The following ST6GALNAC3 variants were observed in gnomAD, a reference collection of about 807,000 sequenced individuals.
ST6GALNAC3 encodes alpha-N-acetylgalactosaminide alpha-2,6-sialyltransferase 3.
ST6GALNAC3 carries 25 observed loss-of-function variants against 32.7 expected under a neutral mutation model. The ratio of observed to expected loss-of-function variants is 0.76; its 90% CI spans 0.56 to 1.07. The LOEUF is 1.07. Among genes scored for constraint, ST6GALNAC3 ranks in the 50% least tolerant of loss-of-function variants. The pLI, the probability that ST6GALNAC3 is intolerant of heterozygous loss-of-function variation, is 0.00. For missense variants in ST6GALNAC3, 355 were observed against 382.4 expected (o/e 0.93, Z 0.60); for synonymous variants, 129 against 133.1 (o/e 0.97, Z 0.21).
At chr1:76,208,917 G>C (rs750097773) in intron 1 of ST6GALNAC3, among the ~76,000 whole-genome samples, 1 of 152,048 alleles carries the variant, frequency 6.6e-6, no homozygotes, top group Non-Finnish European at 1.5e-5. Context: ...TCTCAAGCTC[G>C]TTTTCCTTAA....
intron 1 of ST6GALNAC3, among the ~76,000 whole-genome samples, chr1:76,295,069 G>A (rs562314126): frequency 5.3e-4 from 79 of 149,706 alleles, no homozygotes; most frequent in Non-Finnish European, 9.9e-4. Context: ...GCTCTGTTAA[G>A]CATTTTTGCA....
chr1:76,434,788 T>C (rs1360784748), intron 3 of ST6GALNAC3, among the ~76,000 whole-genome samples: 1 of 138,322 alleles, frequency 7.2e-6, no homozygotes, highest in African/African-American at 2.7e-5. Context: ...TTCTCTGTTT[T>C]TTTTTTTTTT....
intron 1 of ST6GALNAC3, among the ~76,000 whole-genome samples, chr1:76,265,814 T>C (rs778590149): frequency 6.6e-6 from 1 of 152,210 alleles, no homozygotes; most frequent in Non-Finnish European, 1.5e-5. Context: ...AGTCTCTGTG[T>C]TTCTCAAATA....
chr1:76,506,145 A>T (rs112365684), intron 3 of ST6GALNAC3, among the ~76,000 whole-genome samples: 21 of 152,262 alleles, frequency 1.4e-4, no homozygotes, highest in African/African-American at 5.1e-4. Context: ...TACATGTAGA[A>T]CCCTTTACTC....
intron 2 of ST6GALNAC3, among the ~76,000 whole-genome samples, chr1:76,385,211 A>G (rs1291608980): frequency 6.6e-6 from 1 of 152,174 alleles, no homozygotes; most frequent in Non-Finnish European, 1.5e-5. Flanking sequence ...AAACAGAAGG[A>G]AATTTGGGGG....
In ST6GALNAC3 at chr1:76,101,114, C is replaced by T. The variant is rs544543236; in HGVS notation, c.18+26230C>T. The stretch of plus-strand genomic sequence containing the variant: ...GACAAATATATCCACCATTGTGTCA[C>T]GCAGAATAGTGGTACTGCCCTAAAA... On this transcript the variant is annotated intron_variant, in intron 1 of 4. Coordinates refer to ENST00000328299, the MANE Select transcript of ST6GALNAC3 (RefSeq NM_152996.4). Among the ~76,000 whole-genome samples the T allele has an allele frequency of 1.2e-4, 19 of 152,194 alleles. No individual in the cohort carries two copies. The South Asian group carries it at 1.7e-3, about 13-fold the overall frequency.
chr1:76,611,621 G>C (rs1391446680), intron 3 of ST6GALNAC3, among the ~76,000 whole-genome samples: 2 of 152,064 alleles, frequency 1.3e-5, no homozygotes, highest in East Asian at 1.9e-4. Flanking sequence ...CTCCATCCAA[G>C]GATCCCTCTA....
At chr1:76,351,218 C>G (rs1280333692) in intron 2 of ST6GALNAC3, among the ~76,000 whole-genome samples, 1 of 152,090 alleles carries the variant, frequency 6.6e-6, no homozygotes, top group Non-Finnish European at 1.5e-5. Context: ...AACTTTCTAT[C>G]TTTTTGTTCA....
At chr1:76,494,995 C>G (rs917630970) in intron 3 of ST6GALNAC3, among the ~76,000 whole-genome samples, 5 of 152,100 alleles carry the variant, frequency 3.3e-5, no homozygotes, top group African/African-American at 9.7e-5. Flanking sequence ...GGAGGAAATT[C>G]CCTCTTACTC....
chr1:76,308,025 T>C, intron 1 of ST6GALNAC3: 1 of 382,164 alleles, frequency 2.6e-6, no homozygotes, highest in South Asian at 2.0e-5. Context: ...TAAAGGCCCC[T>C]TCAGACTTGC....
intron 3 of ST6GALNAC3, among the ~76,000 whole-genome samples, chr1:76,553,659 C>G (rs1181854105): frequency 6.2e-5 from 9 of 146,258 alleles, no homozygotes; most frequent in Non-Finnish European, 1.3e-4. Context: ...CCCTTACAGC[C>G]ACTTTGTTTT....
Position 76,412,218 on chromosome 1 carries a change from T to C in ST6GALNAC3, c.424T>C (p.Tyr142His). The C allele has an allele frequency of 1.2e-6, 2 of 1,613,804 alleles. No individual in the cohort carries two copies. The highest frequency in any genetic ancestry group is 3.3e-5 in the Admixed American group (2 of 59,930). Residue 142 changes from tyrosine (Y) to histidine (H), a missense_variant, in exon 3 of 5, where the codon TAT becomes CAT. Physicochemically the swap from Tyr to His is moderately conservative, Grantham distance 83. Coordinates refer to ENST00000328299, the MANE Select transcript of ST6GALNAC3 (RefSeq NM_152996.4). ...SVPLLLKNPD[Y>H]FFKEANTTIY... ...TCCTCTTTTGCTAAAAAACCCTGAT[T>C]ATTTTTTCAAGGAAGCGAATACTAC... is the stretch of plus-strand genomic sequence containing the variant.
At chr1:76,219,307 C>A (rs1442467293) in intron 1 of ST6GALNAC3, among the ~76,000 whole-genome samples, 2 of 152,210 alleles carry the variant, frequency 1.3e-5, no homozygotes, top group African/African-American at 4.8e-5. Context: ...AGCTATTTCC[C>A]AGCCCCTCAC....
intron 3 of ST6GALNAC3, among the ~76,000 whole-genome samples, chr1:76,592,531 T>C (rs1180227513): frequency 2.6e-5 from 4 of 151,978 alleles, no homozygotes; most frequent in Non-Finnish European, 5.9e-5. Context: ...GGGCGTCTTA[T>C]ACAGATTTGG....
chr1:76,342,049 T>G (rs1455248878), intron 2 of ST6GALNAC3, among the ~76,000 whole-genome samples: 1 of 152,086 alleles, frequency 6.6e-6, no homozygotes, highest in Non-Finnish European at 1.5e-5. Context: ...TCATCCTTTT[T>G]AATGGCTGCA....
intron 1 of ST6GALNAC3, among the ~76,000 whole-genome samples, chr1:76,158,623 T>A (rs1322446405): frequency 2.0e-5 from 3 of 152,238 alleles, no homozygotes; most frequent in African/African-American, 4.8e-5. Context: ...AATCAGCCCC[T>A]CTTGGCTACA....
intron 2 of ST6GALNAC3, among the ~76,000 whole-genome samples, chr1:76,379,193 G>C (rs764373321): frequency 3.2e-4 from 48 of 152,204 alleles, no homozygotes; most frequent in Non-Finnish European, 3.1e-4. Flanking sequence ...ACCGGGCTCG[G>C]CCAAGAATGT....
chr1:76,229,784 G>A (rs1293135357), intron 1 of ST6GALNAC3, among the ~76,000 whole-genome samples: 3 of 152,158 alleles, frequency 2.0e-5, no homozygotes, highest in African/African-American at 4.8e-5. Context: ...GCTGTTCCAC[G>A]TGTGGAAAGG....
chr1:76,114,067 T>C (rs999800159), intron 1 of ST6GALNAC3, among the ~76,000 whole-genome samples: 33 of 150,476 alleles, frequency 2.2e-4, no homozygotes, highest in African/African-American at 7.9e-4. Flanking sequence ...GGTCTTGAAC[T>C]GCTGACTTCA....
Sources: allele counts gnomAD v4.1 joint callset (sites outside exome capture counted in the v4.1 genomes callset), GRCh38; gene constraint gnomAD v4.1.1; transcripts MANE v1.5; gene names NCBI Gene and HGNC (gene_info 2026-07-23, HGNC 2026-07-21).